The following PHKB variants were observed in gnomAD, a reference collection of about 807,000 sequenced individuals.
The protein encoded by PHKB is phosphorylase b kinase regulatory subunit beta.
PHKB carries 122 observed loss-of-function variants against 152.1 expected under a neutral mutation model. The ratio of observed to expected loss-of-function variants is 0.80; its 90% CI spans 0.69 to 0.93. The LOEUF (loss-of-function observed/expected upper bound fraction) is 0.93. Among genes scored for constraint, PHKB ranks in the 40% least tolerant of loss-of-function variants. The probability of loss-of-function intolerance (pLI) is 0.00; values close to 1 mark genes in which losing one functional copy is unlikely to be tolerated. For missense variants in PHKB, 1,304 were observed against 1,328.4 expected, an observed-to-expected ratio of 0.98 and a Z score of 0.29; for synonymous variants, 436 against 464.9, an observed-to-expected ratio of 0.94 and a Z score of 0.80.
In PHKB at chr16:47,700,348, C is replaced by CAAAAAAAAAA. The variant is rs11299370; in HGVS notation, c.*991_*1000dup. On this transcript the variant is annotated 3_prime_UTR_variant, in exon 31 of 31. Transcript: ENST00000323584. ...TGGGTGACAGAGCGAGACTCCATCTCAAAAAAAAAAAAAAAAAAGAAAAAG... is the reference window on the plus strand; with the variant it reads ...TGGGTGACAGAGCGAGACTCCATCTCAAAAAAAAAAAAAAAAAAAAAAAAAAAAGAAAAAG... The CAAAAAAAAAA allele has an allele frequency of 3.1e-5, 2 of 63,556 alleles. No individual in the cohort carries two copies. The highest frequency in any genetic ancestry group is 7.3e-5 in the Non-Finnish European group (2 of 27,258). The allele number at this position is 63,556 out of a possible 1,614,324, so 3.9% of individuals were successfully genotyped here. A position where few individuals can be genotyped will look rare whatever the true frequency, so the allele number is the denominator to read the frequency against.
At chr16:47,605,025 C>CT (rs1972297812) in intron 13 of PHKB, among the ~76,000 whole-genome samples, 1 of 152,130 alleles carries the variant, frequency 6.6e-6, no homozygotes, top group African/African-American at 2.4e-5. Context: ...ATAAAGAACT[C>CT]TATTTTTGCC....
At chr16:47,666,060 T>C (rs1317723794) in intron 25 of PHKB, 1 of 1,496,528 alleles carries the variant, frequency 6.7e-7, no homozygotes, top group Non-Finnish European at 9.3e-7. Flanking sequence ...AGACACTTAT[T>C]TGGTCCCGGT....
intron 14 of PHKB, among the ~76,000 whole-genome samples, chr16:47,626,042 C>G (rs1387955436): frequency 6.6e-6 from 1 of 152,168 alleles, no homozygotes; most frequent in Admixed American, 6.5e-5. Context: ...TTCTGCCATC[C>G]TAGTGCTTAC....
intron 6 of PHKB, among the ~76,000 whole-genome samples, chr16:47,540,225 T>C (rs1301687358): frequency 6.6e-6 from 1 of 151,818 alleles, no homozygotes; most frequent in Non-Finnish European, 1.5e-5. Flanking sequence ...TACCCTCAGG[T>C]TTATTAGGGT....
chr16:47,518,266 A>T (rs540755974), intron 6 of PHKB, among the ~76,000 whole-genome samples: 1 of 152,338 alleles, frequency 6.6e-6, no homozygotes, highest in East Asian at 1.9e-4. Flanking sequence ...AGATATACAT[A>T]TGTGCACACA....
At chr16:47,648,684 C>A in intron 17 of PHKB, 68 bp downstream of exon 17, 1 of 939,328 alleles carries the variant, frequency 1.1e-6, no homozygotes, top group Non-Finnish European at 1.8e-6. Context: ...TGGTGCTTGA[C>A]CTGCTATGCA....
intron 26 of PHKB, among the ~76,000 whole-genome samples, chr16:47,670,999 C>T (rs1015208502): frequency 6.6e-6 from 1 of 152,036 alleles, no homozygotes; most frequent in Non-Finnish European, 1.5e-5. Context: ...TCACCCATAC[C>T]CCCATCTACT....
intron 1 of PHKB, among the ~76,000 whole-genome samples, chr16:47,475,927 G>A (rs867012363): frequency 2.6e-5 from 4 of 152,106 alleles, no homozygotes; most frequent in Non-Finnish European, 4.4e-5. Context: ...GAATGCAGTC[G>A]TGCAGTCATA....
In PHKB at chr16:47,634,664, C is replaced by T. The variant is rs539726500; in HGVS notation, c.1459-6371C>T. 7.2e-5 allele frequency among the ~76,000 whole-genome samples: 11 copies of T among 152,276 alleles called. No homozygotes were observed. The South Asian group carries it at 2.1e-3, about 29-fold the overall frequency. On this transcript the variant is annotated intron_variant, in intron 14 of 30. Coordinates refer to ENST00000323584, the MANE Select transcript of PHKB (RefSeq NM_000293.3). Reference sequence around the variant, plus strand: ...GTATGACCAGAGAGCATTCATTCTGCAACCTGGAGGAGAAAACACACCAGA... The same window carrying T: ...GTATGACCAGAGAGCATTCATTCTGTAACCTGGAGGAGAAAACACACCAGA...
intron 6 of PHKB, among the ~76,000 whole-genome samples, chr16:47,546,629 G>A (rs1971171111): frequency 6.6e-6 from 1 of 152,186 alleles, no homozygotes; most frequent in Non-Finnish European, 1.5e-5. Flanking sequence ...GAGAACCACT[G>A]CCCTCTTCAG....
chr16:47,567,879 G>C (rs1971596495), intron 7 of PHKB, among the ~76,000 whole-genome samples: 1 of 152,144 alleles, frequency 6.6e-6, no homozygotes, highest in African/African-American at 2.4e-5. Context: ...TGTATCCCTG[G>C]GATGAAGCCC....
chr16:47,576,067 ACT>A (rs1284083473), intron 7 of PHKB, among the ~76,000 whole-genome samples: 1 of 152,180 alleles, frequency 6.6e-6, no homozygotes, highest in Non-Finnish European at 1.5e-5. Flanking sequence ...CAAGAGCGAA[ACT>A]CTGTCTCAAA....
At chr16:47,630,453 GC>G (rs1002042304) in intron 14 of PHKB, among the ~76,000 whole-genome samples, 29 of 151,778 alleles carry the variant, frequency 1.9e-4, no homozygotes, top group Non-Finnish European at 3.5e-4. Flanking sequence ...CTGCACTCCA[GC>G]CTGGGTGACA....
intron 20 of PHKB, among the ~76,000 whole-genome samples, chr16:47,655,672 G>T (rs935143581): frequency 2.0e-5 from 3 of 152,170 alleles, no homozygotes; most frequent in Non-Finnish European, 4.4e-5. Context: ...CTGAAATTGG[G>T]AAACTTTTTG....
chr16:47,645,595 C>T (rs1429743584), intron 16 of PHKB, among the ~76,000 whole-genome samples: 14 of 148,604 alleles, frequency 9.4e-5, no homozygotes, highest in Middle Eastern at 6.9e-3. Context: ...GTACCAGTAC[C>T]GTGCTGTTTT....
Position 47,669,205 on chromosome 16 carries a change from C to T in PHKB, c.2428-10C>T, listed in dbSNP as rs754557600. The T allele has an allele frequency of 3.1e-6, 5 of 1,606,954 alleles. No individual in the cohort carries two copies. The South Asian group carries it at 5.5e-5, about 18-fold the overall frequency. On this transcript the variant is annotated splice_polypyrimidine_tract_variant and intron_variant, in intron 25 of 30. Transcript: ENST00000323584. ...AGGAGAATTTTACAATAAAATTCTG[C>T]CACTTGTAGGTAACTCTGGGTGCCT...
At chr16:47,468,495 T>TA (rs1214263940) in intron 1 of PHKB, among the ~76,000 whole-genome samples, 1 of 152,090 alleles carries the variant, frequency 6.6e-6, no homozygotes, top group African/African-American at 2.4e-5. Flanking sequence ...CTACTAATAA[T>TA]ACAAAAAATT....
intron 8 of PHKB, among the ~76,000 whole-genome samples, chr16:47,583,571 A>AT (rs113256392): frequency 0.12 from 17,950 of 151,958 alleles, 2,286 homozygotes; most frequent in African/African-American, 0.32. Flanking sequence ...AACTAAATTA[A>AT]TTAGAACTTT....
chr16:47,492,383 A>G (rs997779068), intron 1 of PHKB, among the ~76,000 whole-genome samples: 2 of 152,110 alleles, frequency 1.3e-5, no homozygotes, highest in Non-Finnish European at 2.9e-5. Context: ...TTCTAAAAGG[A>G]AAAAAAAGCT....
Sources: gnomAD v4.1 joint callset for allele counts (sites outside exome capture counted in the v4.1 genomes callset) on GRCh38, gnomAD v4.1.1 for gene constraint, MANE v1.5 for transcripts, NCBI Gene and HGNC (gene_info 2026-07-23, HGNC 2026-07-21) for gene names.